The following PALM2AKAP2 variants were observed in gnomAD, a reference collection of about 807,000 sequenced individuals.
PALM2AKAP2 encodes the protein PALM2-AKAP2 fusion protein.
Under a neutral mutation model 71.5 loss-of-function variants are expected in PALM2AKAP2, and 37 were observed. The ratio of observed to expected loss-of-function variants is 0.52; its 90% confidence interval spans 0.40 to 0.68. The LOEUF is 0.68. Among genes scored for constraint, PALM2AKAP2 ranks in the 30% least tolerant of loss-of-function variants. The pLI, the probability that PALM2AKAP2 is intolerant of heterozygous loss-of-function variation, is 0.00. For missense variants in PALM2AKAP2, 1,224 were observed against 1,191.8 expected (o/e 1.03, Z -0.40); for synonymous variants, 468 against 478.8 (o/e 0.98, Z 0.29).
intron 1 of PALM2AKAP2, among the ~76,000 whole-genome samples, chr9:109,747,204 A>G (rs530832083): frequency 6.6e-6 from 1 of 152,334 alleles, no homozygotes; most frequent in South Asian, 2.1e-4. Flanking sequence ...GGCCACCAGC[A>G]GATGGATTCA....
Position 109,772,795 on chromosome 9 carries a change from G to T in PALM2AKAP2, c.6-7693G>T, listed in dbSNP as rs115689777. On this transcript the variant is annotated intron_variant, in intron 1 of 6. Transcript: ENST00000374531. ...ATGTGTTAGCACAACCTTTTCTCCC[G>T]GTGCACTGAGTCTACAGTGGCTATA... is the stretch of plus-strand genomic sequence containing the variant. 4.4e-3 allele frequency among the ~76,000 whole-genome samples: 666 copies of T among 152,262 alleles called. 6 individuals are homozygous for T. Among genetic ancestry groups the T allele is most frequent in the African/African-American group, 0.015 (606 of 41,558 alleles).
At chr9:109,943,068 G>A (rs779725874) in intron 6 of PALM2AKAP2, 5 of 1,614,254 alleles carry the variant, frequency 3.1e-6, no homozygotes, top group Non-Finnish European at 4.2e-6. Flanking sequence ...CAGGGCAGCA[G>A]GCCCAAGCCC....
chr9:110,062,798 C>G (rs1248489225), intron 1 of PALM2AKAP2, among the ~76,000 whole-genome samples: 3 of 152,234 alleles, frequency 2.0e-5, no homozygotes, highest in East Asian at 3.8e-4. Flanking sequence ...GGACCCCAAA[C>G]TCATTTAGCC....
chr9:110,116,424 G>T (rs575142300), intron 1 of PALM2AKAP2, among the ~76,000 whole-genome samples: 2 of 152,252 alleles, frequency 1.3e-5, no homozygotes, highest in Admixed American at 6.5e-5. Context: ...GCGTGCACGC[G>T]CACCTTGTAG....
At chr9:109,943,513 A>T in intron 6 of PALM2AKAP2, 5 of 1,482,956 alleles carry the variant, frequency 3.4e-6, no homozygotes, top group Non-Finnish European at 3.6e-6. Context: ...CAATACTGTG[A>T]ACTGGAAGCA....
chr9:109,658,208 C>T (rs1379728829), intron 1 of PALM2AKAP2, among the ~76,000 whole-genome samples: 1 of 148,366 alleles, frequency 6.7e-6, no homozygotes, highest in African/African-American at 2.4e-5. Flanking sequence ...CAGGGAGGTT[C>T]AGGAGTTCAA....
At chr9:110,039,347 A>T (rs915200987) in intron 7 of PALM2AKAP2, among the ~76,000 whole-genome samples, 4 of 152,094 alleles carry the variant, frequency 2.6e-5, no homozygotes, top group Non-Finnish European at 2.9e-5. Context: ...CACAAGAAAA[A>T]TTTTTTTTGA....
At chr9:109,801,257 T>C (rs1181166564) in intron 1 of PALM2AKAP2, among the ~76,000 whole-genome samples, 2 of 152,168 alleles carry the variant, frequency 1.3e-5, no homozygotes, top group African/African-American at 2.4e-5. Flanking sequence ...ATGGGGAAGA[T>C]ACCCCCAGGG....
At chr9:110,017,980 C>A (rs1026850317) in intron 7 of PALM2AKAP2, among the ~76,000 whole-genome samples, 3 of 152,146 alleles carry the variant, frequency 2.0e-5, no homozygotes, top group African/African-American at 4.8e-5. Context: ...CCTGCCTCAG[C>A]CTCCCAAAGT....
At chr9:109,768,069 G>A (rs886372221) in intron 1 of PALM2AKAP2, among the ~76,000 whole-genome samples, 3 of 119,028 alleles carry the variant, frequency 2.5e-5, no homozygotes, top group African/African-American at 8.7e-5. Context: ...AACAGTGAAG[G>A]AAGGAGGAAG....
At chr9:109,815,170 A>G (rs149257010) in intron 1 of PALM2AKAP2, among the ~76,000 whole-genome samples, 1 of 152,292 alleles carries the variant, frequency 6.6e-6, no homozygotes, top group African/African-American at 2.4e-5. Context: ...GATTGAGTAA[A>G]GGGTGAGAGG....
intron 3 of PALM2AKAP2, among the ~76,000 whole-genome samples, chr9:110,160,993 T>C (rs1384907454): frequency 6.6e-6 from 1 of 152,178 alleles, no homozygotes; most frequent in East Asian, 1.9e-4. Context: ...GGACATGCAT[T>C]GAGAGTTGTG....
Position 109,792,049 on chromosome 9 carries a change from T to C in PALM2AKAP2, c.45+11516T>C, listed in dbSNP as rs143117379. Among the ~76,000 whole-genome samples the C allele has an allele frequency of 1.7e-3, 253 of 152,214 alleles. 2 individuals are homozygous for C. The highest frequency in any genetic ancestry group is 5.8e-3 in the African/African-American group (242 of 41,524). ...TTACAAAACCAATAGTATGTGGGAA[T>C]GGGGGCTGGGGGGTTGGTACAGTAT... On this transcript the variant is annotated intron_variant, in intron 1 of 9. Transcript: ENST00000302798.
intron 2 of PALM2AKAP2, among the ~76,000 whole-genome samples, chr9:110,146,681 C>G (rs559399678): frequency 6.6e-6 from 1 of 152,114 alleles, no homozygotes; most frequent in Non-Finnish European, 1.5e-5. Context: ...CTTTTACCAG[C>G]CATAGTTACT....
At chr9:109,996,014 G>C (rs114284531) in intron 6 of PALM2AKAP2, among the ~76,000 whole-genome samples, 3,722 of 152,290 alleles carry the variant, frequency 0.024, 165 homozygotes, top group African/African-American at 0.084. Context: ...TACAGCAAGA[G>C]AAGGAATGTC....
At chr9:109,964,770 C>A (rs1276882988) in intron 6 of PALM2AKAP2, among the ~76,000 whole-genome samples, 1 of 152,100 alleles carries the variant, frequency 6.6e-6, no homozygotes. Flanking sequence ...ATTCCTTGAC[C>A]CTAAATCAAA....
At chr9:109,858,727 G>A (rs2131657414) in intron 1 of PALM2AKAP2, among the ~76,000 whole-genome samples, 1 of 152,252 alleles carries the variant, frequency 6.6e-6, no homozygotes, top group East Asian at 1.9e-4. Context: ...AGAAAGTGCT[G>A]GATTTTTCCA....
intron 2 of PALM2AKAP2, among the ~76,000 whole-genome samples, chr9:109,880,194 C>T (rs1196550912): frequency 6.6e-6 from 1 of 152,118 alleles, no homozygotes; most frequent in Non-Finnish European, 1.5e-5. Flanking sequence ...TTTAGAGACT[C>T]ATACTGACAT....
chr9:109,992,870 G>A (rs528243891), intron 6 of PALM2AKAP2, among the ~76,000 whole-genome samples: 1 of 151,186 alleles, frequency 6.6e-6, no homozygotes, highest in South Asian at 2.1e-4. Context: ...TCACATGCAC[G>A]GAAGCATAGT....
Sources: gnomAD v4.1 joint callset for allele counts (sites outside exome capture counted in the v4.1 genomes callset) on GRCh38, gnomAD v4.1.1 for gene constraint, MANE v1.5 for transcripts, NCBI Gene and HGNC (gene_info 2026-07-23, HGNC 2026-07-21) for gene names.